Variants in SYMPK observed in about 807,000 individuals in gnomAD.
SYMPK encodes the protein symplekin scaffold protein.
SYMPK carries 49 observed loss-of-function variants against 136.4 expected under a neutral mutation model. That is an observed-to-expected ratio of 0.36 (90% confidence interval 0.29 to 0.46). The LOEUF (loss-of-function observed/expected upper bound fraction) is 0.46. SYMPK is among the 20% of genes least tolerant of loss of function. The pLI is 1.00. For missense variants in SYMPK, 1,365 were observed against 1,690.0 expected (o/e 0.81, Z 3.37); for synonymous variants, 766 against 713.0 (o/e 1.07, Z -1.19).
intron 1 of SYMPK, among the ~76,000 whole-genome samples, chr19:45,860,095 G>C (rs561725914): frequency 6.6e-6 from 1 of 151,304 alleles, no homozygotes; most frequent in Admixed American, 6.6e-5. Context: ...AGTCCAACCT[G>C]GGCAACAGAG....
chr19:45,826,161 T>C (rs1971039073), intron 17 of SYMPK, 65 bp downstream of exon 17: 1 of 1,541,870 alleles, frequency 6.5e-7, no homozygotes, highest in Non-Finnish European at 8.8e-7. Flanking sequence ...TCATCCCCTC[T>C]GCTCGCAGGG....
Position 45,818,082 on chromosome 19 carries a change from C to T in SYMPK, c.2958G>A (p.Gln986=). The T allele has an allele frequency of 1.3e-6, 2 of 1,560,300 alleles. No homozygotes were observed. The highest frequency in any genetic ancestry group is 1.7e-4 in the Middle Eastern group (1 of 6,012). ...YTSEVLAVVM[Q]QLMEQSPLPM... The stretch of plus-strand genomic sequence containing the variant: ...GCAGGGGGCTCTGCTCCATCAGCTG[C>T]TGCATCACCACGGCCAGCACCTCTG... Residue 986 remains glutamine, a synonymous_variant, in exon 23 of 27, where the codon CAG becomes CAA. Coordinates refer to ENST00000245934, the MANE Select transcript of SYMPK (RefSeq NM_004819.3).
chr19:45,852,438 C>T, intron 4 of SYMPK, 44 bp downstream of exon 4: 1 of 1,614,190 alleles, frequency 6.2e-7, no homozygotes, highest in Non-Finnish European at 8.5e-7. Context: ...TCCACATCCC[C>T]TTTCCCCTAC....
chr19:45,861,919 T>C (rs113577760), intron 1 of SYMPK: 11,247 of 150,756 alleles, frequency 0.075, 533 homozygotes, highest in Non-Finnish European at 0.099. Flanking sequence ...GTGGGGCACG[T>C]TTGTAATCCC....
At chr19:45,823,056 C>G (rs1970944779) in intron 20 of SYMPK, among the ~76,000 whole-genome samples, 1 of 152,182 alleles carries the variant, frequency 6.6e-6, no homozygotes. Flanking sequence ...TGTGTGCCCC[C>G]AAGAGGCATC....
At chr19:45,857,432 A>C (rs1177648655) in intron 1 of SYMPK, among the ~76,000 whole-genome samples, 2 of 150,788 alleles carry the variant, frequency 1.3e-5, no homozygotes, top group African/African-American at 4.9e-5. Flanking sequence ...AAAAAAAAAA[A>C]AACACACACT....
intron 11 of SYMPK, among the ~76,000 whole-genome samples, chr19:45,832,734 G>A (rs1971210613): frequency 6.6e-6 from 1 of 151,926 alleles, no homozygotes; most frequent in South Asian, 2.1e-4. Flanking sequence ...AGCAGGCTGG[G>A]CGTGGTGGCT....
rs1970968536 is a variant in SYMPK, at chr19:45,823,874, A to G, written c.2492T>C (p.Ile831Thr). Residue 831 changes from isoleucine (I) to threonine (T), a missense_variant and splice_region_variant, in exon 19 of 27, where the codon ATC becomes ACC. By Grantham distance (89) the Ile-to-Thr change is moderately conservative. Transcript: ENST00000245934. The stretch of plus-strand genomic sequence containing the variant: ...CGGGGAGTTCATGCCCATTCCTCGG[A>G]TCTAGAGGCAGAGACAGGGATGACC... ...RTVLRVIEQP[I>T]RGMGMNSPEL... The G allele has an allele frequency of 6.2e-7, 1 of 1,613,368 alleles. No individual in the cohort carries two copies. Among genetic ancestry groups the G allele is most frequent in the East Asian group, 2.2e-5 (1 of 44,866 alleles).
Position 45,817,998 on chromosome 19 carries a change from GC to G in SYMPK, c.3041del (p.Gly1014AlafsTer4). On this transcript the variant is annotated frameshift_variant, in exon 23 of 27. Coordinates refer to ENST00000245934, the MANE Select transcript of SYMPK (RefSeq NM_004819.3). LOFTEE classifies it high-confidence loss of function. The part of the protein sequence containing the change: ...QSLTMYPRLG[G>X]FVMNILSRLI... ...GGCGGGACAGGATGTTCATGACGAAGCCCCCCAGGCGGGGGTACATGGTCAG... is the reference window on the plus strand; with the variant it reads ...GGCGGGACAGGATGTTCATGACGAAGCCCCCAGGCGGGGGTACATGGTCAG... 2.5e-6 allele frequency: 4 copies of G among 1,580,940 alleles called. No homozygotes were observed. Among genetic ancestry groups the G allele is most frequent in the Admixed American group, 1.8e-5 (1 of 55,180 alleles).
In SYMPK at chr19:45,815,429, T is replaced by G. The variant is rs900900905; in HGVS notation, c.*131A>C. 1.9e-6 allele frequency: 2 copies of G among 1,068,552 alleles called. No homozygotes were observed. Among genetic ancestry groups the G allele is most frequent in the Non-Finnish European group, 2.6e-6 (2 of 774,726 alleles). 66.2% of individuals were successfully genotyped at this position (1,068,552 alleles called of 1,614,324 possible). A position where few individuals can be genotyped will look rare whatever the true frequency, so the allele number is the denominator to read the frequency against. On this transcript the variant is annotated 3_prime_UTR_variant, in exon 27 of 27. Coordinates refer to ENST00000245934, the MANE Select transcript of SYMPK (RefSeq NM_004819.3). ...GCCCCAGGCCCGCCATCCCTTTTTTTTTTTCTTTTCAGTAACTTGCCCAAG... is the reference window on the plus strand; with the variant it reads ...GCCCCAGGCCCGCCATCCCTTTTTTGTTTTCTTTTCAGTAACTTGCCCAAG...
chr19:45,817,347 T>C (rs1970771579), intron 23 of SYMPK, among the ~76,000 whole-genome samples: 1 of 151,114 alleles, frequency 6.6e-6, no homozygotes, highest in Non-Finnish European at 1.5e-5. Context: ...CTGTCCTGGG[T>C]CACATGTACA....
At chr19:45,850,068 CAAAA>C (rs895193508) in intron 5 of SYMPK, among the ~76,000 whole-genome samples, 2 of 149,246 alleles carry the variant, frequency 1.3e-5, no homozygotes, top group East Asian at 3.9e-4. Context: ...AAAACAAAAA[CAAAA>C]AAAAACAACA....
At chr19:45,857,473 T>G (rs1034243848) in intron 1 of SYMPK, among the ~76,000 whole-genome samples, 1 of 140,294 alleles carries the variant, frequency 7.1e-6, no homozygotes, top group African/African-American at 2.7e-5. Flanking sequence ...AAAACAATAA[T>G]CTGAGGACGG....
intron 1 of SYMPK, among the ~76,000 whole-genome samples, chr19:45,860,640 G>C (rs968795809): frequency 5.3e-5 from 8 of 151,998 alleles, no homozygotes; most frequent in Non-Finnish European, 1.0e-4. Context: ...ACATGAGTTA[G>C]GTTTACATTT....
chr19:45,860,877 A>G (rs531138498), intron 1 of SYMPK, among the ~76,000 whole-genome samples: 1 of 152,330 alleles, frequency 6.6e-6, no homozygotes, highest in African/African-American at 2.4e-5. Context: ...TTTTCATTTT[A>G]CAGATGAGGA....
intron 7 of SYMPK, among the ~76,000 whole-genome samples, chr19:45,845,877 T>A (rs1971547372): frequency 6.6e-6 from 1 of 152,212 alleles, no homozygotes; most frequent in African/African-American, 2.4e-5. Flanking sequence ...GTCTTTTTGA[T>A]AAAAGTCACT....
intron 1 of SYMPK, chr19:45,855,056 T>G (rs922574489): frequency 6.4e-6 from 1 of 157,062 alleles, no homozygotes; most frequent in Non-Finnish European, 1.4e-5. Flanking sequence ...TTTTGTATTT[T>G]CAGTAGAGAC....
chr19:45,845,336 C>T (rs1971534851), intron 7 of SYMPK, among the ~76,000 whole-genome samples: 1 of 152,128 alleles, frequency 6.6e-6, no homozygotes, highest in Non-Finnish European at 1.5e-5. Context: ...ACCATTCCCA[C>T]TTCCTCCCCA....
At chr19:45,858,624 T>A (rs949038579) in intron 1 of SYMPK, among the ~76,000 whole-genome samples, 4 of 152,132 alleles carry the variant, frequency 2.6e-5, no homozygotes. Flanking sequence ...CAAGCGATTC[T>A]CCTGCCTCAG....
Sources: gnomAD v4.1 joint callset for allele counts (sites outside exome capture counted in the v4.1 genomes callset) on GRCh38, gnomAD v4.1.1 for gene constraint, MANE v1.5 for transcripts, NCBI Gene and HGNC (gene_info 2026-07-23, HGNC 2026-07-21) for gene names.